GRB7: variants seen among roughly 807,000 people sequenced by gnomAD.
GRB7 encodes growth factor receptor-bound protein 7.
A neutral mutation model predicts 64.1 loss-of-function variants in GRB7; 47 were observed. That is an observed-to-expected ratio of 0.73 (90% CI 0.58 to 0.94). The LOEUF (loss-of-function observed/expected upper bound fraction) is 0.94, where lower values mean the gene tolerates loss of function less well. GRB7 is among the 40% of genes least tolerant of loss of function. The pLI, the probability that GRB7 is intolerant of heterozygous loss-of-function variation, is 0.00. For missense variants in GRB7, 634 were observed against 718.4 expected (o/e 0.88, Z 1.34); for synonymous variants, 277 against 279.9 (o/e 0.99, Z 0.10).
Position 39,744,657 on chromosome 17 carries a change from T to C in GRB7, c.906T>C (p.Cys302=). ...LYGMPTDFGF[C]VKPNKLRNGH... ...GGATGCCCACTGACTTCGGTTTCTGTGTCAAGGTGAAGACCTGGCCAGGCC... is the reference window on the plus strand; with the variant it reads ...GGATGCCCACTGACTTCGGTTTCTGCGTCAAGGTGAAGACCTGGCCAGGCC... Residue 302 remains cysteine, a synonymous_variant, in exon 8 of 15, where the codon TGT becomes TGC. Transcript: ENST00000309156. 1 of 1,602,438 alleles carries C rather than the reference T, an allele frequency of 6.2e-7. No individual in the cohort carries two copies. Among genetic ancestry groups the C allele is most frequent in the South Asian group, 1.1e-5 (1 of 89,162 alleles).
chr17:39,740,046 C>T (rs1054134146), intron 1 of GRB7: 1 of 985,514 alleles, frequency 1.0e-6, no homozygotes, highest in Non-Finnish European at 1.2e-6. Context: ...CTTCTAACCC[C>T]TTCCAAGCAC....
Position 39,742,892 on chromosome 17 carries a change from G to A in GRB7, c.307-6G>A. 1.3e-6 allele frequency: 2 copies of A among 1,572,838 alleles called. No individual in the cohort carries two copies. Among genetic ancestry groups the A allele is most frequent in the Non-Finnish European group, 1.7e-6 (2 of 1,156,662 alleles). ...CCTCAAGTCGTGTGCAATTCCTGGGGCGCAGGTAGTAAAGGTGTACAGTGA... is the reference window on the plus strand; with the variant it reads ...CCTCAAGTCGTGTGCAATTCCTGGGACGCAGGTAGTAAAGGTGTACAGTGA... On this transcript the variant is annotated splice_region_variant and splice_polypyrimidine_tract_variant and intron_variant, in intron 3 of 14. Transcript: ENST00000309156.
chr17:39,743,639 T>C, intron 6 of GRB7, 169 bp downstream of exon 6: 1 of 635,826 alleles, frequency 1.6e-6, no homozygotes, highest in Non-Finnish European at 2.8e-6. Context: ...TTTCTTCTAT[T>C]AAATGGGGGC....
chr17:39,742,469 G>C lies in GRB7; in HGVS notation c.155+13G>C, dbSNP rs8192704. The C allele has an allele frequency of 1.9e-6, 3 of 1,613,384 alleles. No homozygotes were observed. The highest frequency in any genetic ancestry group is 1.7e-6 in the Non-Finnish European group (2 of 1,179,586). On this transcript the variant is annotated intron_variant, in intron 2 of 14. Coordinates refer to ENST00000309156, the MANE Select transcript of GRB7 (RefSeq NM_005310.5). ...CAACCACCGGCAGGTACGATGGGGC[G>C]TGGGGCTTGGGGGAGGTCAGTGCTG...
At chr17:39,744,296 C>T (rs1200771121) in intron 7 of GRB7, 89 bp downstream of exon 7, 3 of 1,510,246 alleles carry the variant, frequency 2.0e-6, no homozygotes, top group Non-Finnish European at 2.7e-6. Context: ...CTGAGCCCTT[C>T]TCCCCCTGGG....
rs984421288 is a variant in GRB7, at chr17:39,744,015, G to C, written c.664-55G>C. 6 of 1,592,360 alleles carry C rather than the reference G, an allele frequency of 3.8e-6. No individual in the cohort carries two copies. The African/African-American group carries it at 5.4e-5, about 14-fold the overall frequency. ...GAAAAAGAGAAACATCCTGGTGGTA[G>C]AGGGGAAGGGAGGAGGTCAGACCTG... On this transcript the variant is annotated intron_variant, in intron 6 of 14. Coordinates refer to ENST00000309156, the MANE Select transcript of GRB7 (RefSeq NM_005310.5).
intron 1 of GRB7, chr17:39,738,836 C>T: frequency 6.9e-7 from 1 of 1,439,060 alleles, no homozygotes; most frequent in Non-Finnish European, 9.4e-7. Context: ...GAGAGGGATC[C>T]TCTAAATTGT....
chr17:39,740,074 T>C, intron 1 of GRB7: 1 of 985,576 alleles, frequency 1.0e-6, no homozygotes, highest in Non-Finnish European at 1.2e-6. Flanking sequence ...CCGAATTCTC[T>C]GCTCCTCTCC....
intron 1 of GRB7, chr17:39,738,896 C>G (rs1158139232): frequency 6.5e-7 from 1 of 1,534,840 alleles, no homozygotes; most frequent in East Asian, 2.4e-5. Flanking sequence ...ACACCGCCTC[C>G]GGCCCTCCGA....
In GRB7 at chr17:39,745,427, T is replaced by C. The variant is rs1453467834; in HGVS notation, c.1098T>C (p.Ser366=). 1 of 1,613,858 alleles carries C rather than the reference T, an allele frequency of 6.2e-7. No individual in the cohort carries two copies. The part of the protein sequence containing the change: ...PSCLGSPPLR[S]ASDNTLVAMD... ...TCCTCTCCTTCCATCTCCAGAGAAGTGCCTCAGATAATACCCTGGTGGCCA... is the reference window on the plus strand; with the variant it reads ...TCCTCTCCTTCCATCTCCAGAGAAGCGCCTCAGATAATACCCTGGTGGCCA... The change falls in exon 11 of 15, where the codon AGT becomes AGC. Residue 366 remains serine (S), a synonymous_variant. Transcript: ENST00000309156.
intron 3 of GRB7, 85 bp downstream of exon 3, chr17:39,742,801 G>C (rs1477131378): frequency 2.6e-6 from 4 of 1,522,460 alleles, no homozygotes; most frequent in Non-Finnish European, 3.5e-6. Flanking sequence ...GGAGGCAGGG[G>C]ATCTTGGTTA....
intron 14 of GRB7, 81 bp from the exon 15 acceptor site, chr17:39,746,670 A>T: frequency 3.4e-6 from 5 of 1,456,262 alleles, no homozygotes; most frequent in Non-Finnish European, 4.7e-6. Flanking sequence ...ATAAAAGGAA[A>T]TGGTGGGGCC....
rs751537147 is a variant in GRB7 at position 39,744,598 on chromosome 17, G to A, written c.847G>A (p.Val283Met). 3.1e-6 allele frequency: 5 copies of A among 1,612,170 alleles called. No individual in the cohort carries two copies. The highest frequency in any genetic ancestry group is 4.5e-5 in the East Asian group (2 of 44,744). ...QYVADVNESN[V>M]YVVTQGRKLY... ...CGTGGCAGATGTGAACGAGTCCAAC[G>A]TGTACGTGGTGACGCAGGGCCGCAA... is the stretch of plus-strand genomic sequence containing the variant. The change falls in exon 8 of 15, where the codon GTG becomes ATG. Residue 283 changes from valine to methionine, a missense_variant. Around this residue, in one of 2 missense-constraint regions of GRB7, gnomAD observed 467 missense variants for 576.6 expected, o/e 0.81. Transcript: ENST00000309156.
Position 39,744,491 on chromosome 17 carries a change from G to C in GRB7, c.802-62G>C, listed in dbSNP as rs2271307. On this transcript the variant is annotated intron_variant, in intron 7 of 14. Transcript: ENST00000309156. ...CCTGAAATCTCCCCACCTGGCTTGT[G>C]GGGGGAGGTAATAGTGGGCGGGATC... is the stretch of plus-strand genomic sequence containing the variant. 1.0e-3 allele frequency: 1,412 copies of C among 1,345,968 alleles called. 17 individuals carry two copies. In the East Asian group the frequency reaches 0.022, roughly 21 times the overall value. 83.4% of individuals were successfully genotyped at this position (1,345,968 alleles called of 1,614,324 possible). A position where few individuals can be genotyped will look rare whatever the true frequency, so the allele number is the denominator to read the frequency against.
chr17:39,742,337 C>T lies in GRB7; in HGVS notation c.36C>T (p.Ser12=). 1.2e-6 allele frequency: 2 copies of T among 1,614,076 alleles called. No homozygotes were observed. The highest frequency in any genetic ancestry group is 1.7e-6 in the Non-Finnish European group (2 of 1,179,946). Residue 12 remains serine, a synonymous_variant, in exon 2 of 15, where the codon AGC becomes AGT. Coordinates refer to ENST00000309156, the MANE Select transcript of GRB7 (RefSeq NM_005310.5). ...ELDLSPPHLS[S]SPEDLCPAPG... ...ATCTGTCTCCACCTCATCTTAGCAG[C>T]TCTCCGGAAGACCTTTGCCCAGCCC...
intron 1 of GRB7, among the ~76,000 whole-genome samples, chr17:39,741,059 T>C (rs1344004302): frequency 1.3e-5 from 2 of 152,170 alleles, no homozygotes; most frequent in Non-Finnish European, 2.9e-5. Flanking sequence ...CTAGTGCTCG[T>C]CTTTGCCTGC....
At chr17:39,740,168 G>A (rs765210246) in intron 1 of GRB7, 2 of 985,508 alleles carry the variant, frequency 2.0e-6, no homozygotes, top group Non-Finnish European at 2.4e-6. Flanking sequence ...TTTGGAGACC[G>A]GGGCTGTTTG....
intron 1 of GRB7, among the ~76,000 whole-genome samples, chr17:39,740,574 C>T (rs1037631562): frequency 6.6e-6 from 1 of 152,106 alleles, no homozygotes; most frequent in Non-Finnish European, 1.5e-5. Flanking sequence ...GAGAGCAGAT[C>T]GTAGGTCCCA....
Position 39,744,915 on chromosome 17 carries a change from G to A in GRB7, c.942G>A (p.Gly314=), listed in dbSNP as rs760671214. The A allele has an allele frequency of 1.2e-6, 2 of 1,614,138 alleles. No individual in the cohort carries two copies. Among genetic ancestry groups the A allele is most frequent in the Non-Finnish European group, 8.5e-7 (1 of 1,179,996 alleles). The change falls in exon 9 of 15, where the codon GGG becomes GGA. Residue 314 remains glycine (G), a synonymous_variant. Coordinates refer to ENST00000309156, the MANE Select transcript of GRB7 (RefSeq NM_005310.5). ...ACAAGCTTCGAAATGGCCACAAGGG[G>A]CTTCGGATCTTCTGCAGTGAAGATG... ...KPNKLRNGHK[G]LRIFCSEDEQ...
Sources: gnomAD v4.1 joint callset for allele counts (sites outside exome capture counted in the v4.1 genomes callset) on GRCh38, gnomAD v4.1.1 for gene constraint, gnomAD v4.1.1 regional missense constraint, MANE v1.5 for transcripts, NCBI Gene and HGNC (gene_info 2026-07-23, HGNC 2026-07-21) for gene names.